The following SNX14 variants were observed in gnomAD, a reference collection of about 807,000 sequenced individuals.
SNX14 encodes the protein sorting nexin-14.
A neutral mutation model predicts 133.8 loss-of-function variants in SNX14; 93 were observed. That is an observed-to-expected ratio of 0.70 (90% CI 0.59 to 0.83). The LOEUF (loss-of-function observed/expected upper bound fraction) is 0.83. SNX14 is among the 40% of genes least tolerant of loss of function. SNX14 has a pLI of 0.00. For missense variants in SNX14, 945 were observed against 1,094.9 expected, an observed-to-expected ratio of 0.86 and a Z score of 1.93; for synonymous variants, 368 against 365.6, an observed-to-expected ratio of 1.01 and a Z score of -0.07.
chr6:85,513,727 A>G (rs1001482575), intron 26 of SNX14, 73 bp downstream of exon 26: 2 of 1,132,938 alleles, frequency 1.8e-6, no homozygotes, highest in Non-Finnish European at 2.5e-6. Context: ...ATTAGCTTCA[A>G]TAATTACTAT....
rs1803656177 is a variant in SNX14 at position 85,593,572 on chromosome 6, G to T, written c.140+7C>A. On this transcript the variant is annotated splice_region_variant and intron_variant, in intron 1 of 28. Coordinates refer to ENST00000314673, the MANE Select transcript of SNX14 (RefSeq NM_153816.6). Reference sequence around the variant, plus strand: ...GCCGCCGCCCAGGCTCCGCGCTGCGGCGTTACCTGTTAAGAAGCAGGGAGG... The same window carrying T: ...GCCGCCGCCCAGGCTCCGCGCTGCGTCGTTACCTGTTAAGAAGCAGGGAGG... The T allele has an allele frequency of 3.1e-6, 5 of 1,607,556 alleles. No homozygotes were observed. The East Asian group carries it at 1.1e-4, about 36-fold the overall frequency.
At chr6:85,546,738 G>A (rs1785641925) in intron 12 of SNX14, among the ~76,000 whole-genome samples, 1 of 152,008 alleles carries the variant, frequency 6.6e-6, no homozygotes, top group Admixed American at 6.6e-5. Flanking sequence ...CGAGGTGGGT[G>A]GATCACCTGA....
At chr6:85,592,264 G>T (rs1479093690) in intron 1 of SNX14, among the ~76,000 whole-genome samples, 1 of 152,096 alleles carries the variant, frequency 6.6e-6, no homozygotes, top group Non-Finnish European at 1.5e-5. Context: ...AGAAAGCAAG[G>T]CCACTTTTAG....
intron 8 of SNX14, among the ~76,000 whole-genome samples, chr6:85,549,356 C>A (rs1786946392): frequency 6.6e-6 from 1 of 152,046 alleles, no homozygotes; most frequent in African/African-American, 2.4e-5. Flanking sequence ...AACATAAACT[C>A]ATCTATATAG....
intron 1 of SNX14, among the ~76,000 whole-genome samples, chr6:85,580,555 C>A (rs1041632465): frequency 6.6e-6 from 1 of 152,090 alleles, no homozygotes; most frequent in African/African-American, 2.4e-5. Context: ...CAATTCCAGG[C>A]CTTGGCTCTT....
rs764714525 is a variant in SNX14 at position 85,543,295 on chromosome 6, G to C, written c.1276C>G (p.Pro426Ala). 1 of 1,568,856 alleles carries C rather than the reference G, an allele frequency of 6.4e-7. No homozygotes were observed. Among genetic ancestry groups the C allele is most frequent in the South Asian group, 1.2e-5 (1 of 82,736 alleles). Residue 426 changes from proline (P) to alanine (A), a missense_variant, in exon 14 of 29, where the codon CCA (proline) becomes GCA (alanine). Coordinates refer to ENST00000314673, the MANE Select transcript of SNX14 (RefSeq NM_153816.6). ...VEEIQRIAEG[P>A]YIDVVKLQTM... ...TGAAGTTTCACAACATCTATGTATG[G>C]GCCTTCAGCAACTATTAAAAAAATT...
intron 1 of SNX14, among the ~76,000 whole-genome samples, chr6:85,587,821 T>C (rs968919115): frequency 8.5e-5 from 13 of 152,196 alleles, no homozygotes; most frequent in African/African-American, 3.1e-4. Flanking sequence ...ATTAGAGAAT[T>C]TGAATAGAGC....
At chr6:85,512,049 T>C (rs537995351) in intron 26 of SNX14, among the ~76,000 whole-genome samples, 21 of 152,238 alleles carry the variant, frequency 1.4e-4, no homozygotes, top group African/African-American at 4.8e-4. Context: ...CTGACCCCCT[T>C]GCACAGGACA....
intron 15 of SNX14, among the ~76,000 whole-genome samples, chr6:85,540,483 C>T (rs983301742): frequency 2.0e-5 from 3 of 152,128 alleles, no homozygotes; most frequent in Admixed American, 2.0e-4. Context: ...GGGCAAAGAA[C>T]GCTATTTTAA....
intron 6 of SNX14, among the ~76,000 whole-genome samples, chr6:85,558,588 G>T (rs147659414): frequency 2.4e-3 from 370 of 152,050 alleles, no homozygotes; most frequent in African/African-American, 8.6e-3. Flanking sequence ...CAGCCTCCTG[G>T]GTAGCTGGGA....
chr6:85,506,558 C>T (rs1770778448), intron 28 of SNX14, among the ~76,000 whole-genome samples: 1 of 152,102 alleles, frequency 6.6e-6, no homozygotes, highest in South Asian at 2.1e-4. Context: ...CCTCGTGATC[C>T]CCCCGCCTTG....
At chr6:85,539,881 G>A (rs1783086563) in intron 15 of SNX14, among the ~76,000 whole-genome samples, 1 of 151,430 alleles carries the variant, frequency 6.6e-6, no homozygotes, top group Non-Finnish European at 1.5e-5. Context: ...TAGCCAAGAA[G>A]GCTTTTCATC....
chr6:85,529,672 T>C (rs1006789384), intron 19 of SNX14, among the ~76,000 whole-genome samples: 2 of 152,208 alleles, frequency 1.3e-5, no homozygotes, highest in African/African-American at 4.8e-5. Context: ...ATCATCCTTA[T>C]CACAGGCTTT....
chr6:85,540,302 C>G (rs1169124900), intron 15 of SNX14, among the ~76,000 whole-genome samples: 2 of 152,128 alleles, frequency 1.3e-5, no homozygotes, highest in Non-Finnish European at 2.9e-5. Flanking sequence ...AACCACTTCC[C>G]CTTAAATGGT....
chr6:85,507,949 G>C lies in SNX14; in HGVS notation c.2745+19C>G, dbSNP rs201483566. ...CCAAACCTAGCCAGCATGAGTTTAC[G>C]AGCTTTAATGAGCTTTACCTGCTTG... is the stretch of plus-strand genomic sequence containing the variant. On this transcript the variant is annotated intron_variant, in intron 27 of 28. Transcript: ENST00000314673. 5.9e-5 allele frequency: 94 copies of C among 1,604,810 alleles called. No individual in the cohort carries two copies. In the African/African-American group the frequency reaches 1.2e-3, roughly 20 times the overall value.
chr6:85,591,542 C>T (rs1470752431), intron 1 of SNX14, among the ~76,000 whole-genome samples: 1 of 152,154 alleles, frequency 6.6e-6, no homozygotes, highest in Non-Finnish European at 1.5e-5. Context: ...AGATGGTATA[C>T]AGATCAGATG....
intron 26 of SNX14, among the ~76,000 whole-genome samples, chr6:85,508,635 TAA>T (rs746687420): frequency 0.016 from 2,506 of 152,284 alleles, 35 homozygotes; most frequent in Middle Eastern, 0.051. Flanking sequence ...GACTTTTGCA[TAA>T]GTTACTATTA....
intron 7 of SNX14, among the ~76,000 whole-genome samples, chr6:85,551,143 C>T (rs540019943): frequency 6.6e-6 from 1 of 152,138 alleles, no homozygotes; most frequent in Non-Finnish European, 1.5e-5. Context: ...CGTACACTAT[C>T]AAAATATGCC....
Position 85,543,319 on chromosome 6 carries a change from T to A in SNX14, c.1265-13A>T. The A allele has an allele frequency of 1.9e-6, 3 of 1,551,770 alleles. No individual in the cohort carries two copies. The highest frequency in any genetic ancestry group is 2.6e-6 in the Non-Finnish European group (3 of 1,155,648). ...GGGCCTTCAGCAACTATTAAAAAAA[T>A]TCTACTGTAGAAATTATTTATAAAT... On this transcript the variant is annotated splice_polypyrimidine_tract_variant and intron_variant, in intron 13 of 28. Transcript: ENST00000314673.
Sources: gnomAD v4.1 joint callset for allele counts (sites outside exome capture counted in the v4.1 genomes callset) on GRCh38, gnomAD v4.1.1 for gene constraint, MANE v1.5 for transcripts, NCBI Gene and HGNC (gene_info 2026-07-23, HGNC 2026-07-21) for gene names.